The following ZNF730 variants were observed in gnomAD, a reference collection of about 807,000 sequenced individuals.
ZNF730 encodes the protein putative zinc finger protein 730.
A neutral mutation model predicts 12.6 loss-of-function variants in ZNF730; 12 were observed. The observed-to-expected ratio is 0.95, with a 90% CI of 0.61 to 1.54. The LOEUF (loss-of-function observed/expected upper bound fraction) is 1.54, where lower values mean the gene tolerates loss of function less well. Among genes scored for constraint, ZNF730 ranks in the 40% most tolerant of loss-of-function variants. The pLI, the probability that ZNF730 is intolerant of heterozygous loss-of-function variation, is 0.00. For missense variants in ZNF730, 643 were observed against 583.5 expected (o/e 1.10, Z -1.05); for synonymous variants, 194 against 195.8 (o/e 0.99, Z 0.08).
Position 23,135,997 on chromosome 19 carries a change from A to G in ZNF730, c.180A>G (p.Lys60=), listed in dbSNP as rs1230557309. The G allele has an allele frequency of 1.2e-6, 2 of 1,608,732 alleles. No homozygotes were observed. The highest frequency in any genetic ancestry group is 1.7e-6 in the Non-Finnish European group (2 of 1,177,398). ...TGATCACCTGTCTGGAGCAAGAAAA[A>G]GAGCCTTGGAATTTGAAGACACATG... ...PDLITCLEQE[K]EPWNLKTHDM... is the part of the protein sequence containing the mutation. Residue 60 remains lysine, a synonymous_variant, in exon 3 of 4, where the codon AAA becomes AAG. Coordinates refer to ENST00000597761, the MANE Select transcript of ZNF730 (RefSeq NM_001277403.2).
rs181628978 is a variant in ZNF730 at position 23,119,795 on chromosome 19, G to T, written c.3+2619G>T. ...TCGCGCCACTGCACTCCAGCCTGGC[G>T]ACAGAATGAGACTCCGTCTCAAAAA... On this transcript the variant is annotated intron_variant, in intron 1 of 3. Coordinates refer to ENST00000597761, the MANE Select transcript of ZNF730 (RefSeq NM_001277403.2). 3.3e-5 allele frequency among the ~76,000 whole-genome samples: 5 copies of T among 152,200 alleles called. No homozygotes were observed. The South Asian group carries it at 1.0e-3, about 32-fold the overall frequency.
chr19:23,128,302 A>G (rs1190912913), intron 1 of ZNF730: 1 of 647,126 alleles, frequency 1.5e-6, no homozygotes, highest in East Asian at 3.0e-5. Flanking sequence ...GCACTACTTA[A>G]TGAAGGATGA....
intron 1 of ZNF730, among the ~76,000 whole-genome samples, chr19:23,133,842 C>G (rs1288565983): frequency 3.3e-5 from 5 of 151,550 alleles, no homozygotes; most frequent in Non-Finnish European, 2.9e-5. Flanking sequence ...CTTACTTCAT[C>G]ATCTGGAAAA....
At chr19:23,120,349 G>C (rs1266431599) in intron 1 of ZNF730, among the ~76,000 whole-genome samples, 1 of 151,982 alleles carries the variant, frequency 6.6e-6, no homozygotes, top group Non-Finnish European at 1.5e-5. Context: ...CAATTTTGGA[G>C]CTTGTTATTG....
chr19:23,105,060 A>G (rs1970376871), intron 1 of ZNF730, among the ~76,000 whole-genome samples: 1 of 152,088 alleles, frequency 6.6e-6, no homozygotes, highest in South Asian at 2.1e-4. Flanking sequence ...AATCAGGGCG[A>G]GTATAGGACT....
chr19:23,076,140 TG>T (rs1421328471), intron 1 of ZNF730, among the ~76,000 whole-genome samples: 16 of 152,312 alleles, frequency 1.1e-4, no homozygotes, highest in African/African-American at 3.8e-4. Context: ...TTCTCAAATG[TG>T]GGATATGAGA....
intron 1 of ZNF730, chr19:23,125,834 G>C (rs1316083353): frequency 2.9e-5 from 5 of 172,214 alleles, no homozygotes; most frequent in Non-Finnish European, 5.0e-5. Flanking sequence ...TTGTTAGTTG[G>C]GTTTTTTAAA....
chr19:23,096,780 C>T (rs561476600), intron 1 of ZNF730, among the ~76,000 whole-genome samples: 1 of 152,276 alleles, frequency 6.6e-6, no homozygotes, highest in South Asian at 2.1e-4. Flanking sequence ...TTTGGCCAAG[C>T]AGGGCTGTGA....
At chr19:23,094,725 C>T (rs1056068777) in intron 1 of ZNF730, among the ~76,000 whole-genome samples, 2 of 152,126 alleles carry the variant, frequency 1.3e-5, no homozygotes, top group African/African-American at 2.4e-5. Flanking sequence ...CCACCCACCT[C>T]GGCCTCCCAG....
At chr19:23,111,756 A>G (rs909423787) in intron 1 of ZNF730, among the ~76,000 whole-genome samples, 1 of 151,744 alleles carries the variant, frequency 6.6e-6, no homozygotes, top group African/African-American at 2.4e-5. Context: ...TCAAAAAAAA[A>G]AAAAGATAGA....
In ZNF730 at chr19:23,146,840, A is replaced by G; in HGVS notation, c.*284A>G. 2.5e-6 allele frequency: 2 copies of G among 795,464 alleles called. No individual in the cohort carries two copies. Among genetic ancestry groups the G allele is most frequent in the Non-Finnish European group, 4.3e-6 (2 of 460,646 alleles). 49.3% of individuals were successfully genotyped at this position (795,464 alleles called of 1,614,324 possible). On this transcript the variant is annotated 3_prime_UTR_variant, in exon 4 of 4. Transcript: ENST00000597761. ...AAGAATGTGACAAAGCCTTTAACAA[A>G]TCCTTAATTCTTAACAGACATGATT... is the stretch of plus-strand genomic sequence containing the variant.
intron 1 of ZNF730, among the ~76,000 whole-genome samples, chr19:23,099,654 C>T (rs1403462193): frequency 2.6e-5 from 4 of 152,176 alleles, no homozygotes; most frequent in African/African-American, 7.2e-5. Flanking sequence ...CTCTCATACA[C>T]AAATCCATTC....
At chr19:23,143,234 G>A (rs1338259259) in intron 3 of ZNF730, among the ~76,000 whole-genome samples, 2 of 151,710 alleles carry the variant, frequency 1.3e-5, no homozygotes, top group African/African-American at 4.8e-5. Context: ...GACAGAGCGA[G>A]ACTCCGTCTC....
At chr19:23,091,362 C>G (rs1047683731) in intron 1 of ZNF730, among the ~76,000 whole-genome samples, 2 of 152,176 alleles carry the variant, frequency 1.3e-5, no homozygotes, top group African/African-American at 2.4e-5. Context: ...GGGGTCAGAG[C>G]CCCCACACAG....
chr19:23,134,124 G>A lies in ZNF730; in HGVS notation c.48G>A (p.Glu16=), dbSNP rs1183013524. 3 of 1,613,466 alleles carry A rather than the reference G, an allele frequency of 1.9e-6. No individual in the cohort carries two copies. The highest frequency in any genetic ancestry group is 2.2e-5 in the South Asian group (2 of 91,048). ...ATGTGGCCATAGAATTCTCTCTGGA[G>A]GAGTGGCAATGTCTGGACACCGAAC... The part of the protein sequence containing the change: ...FRDVAIEFSL[E]EWQCLDTEQQ... Residue 16 remains glutamate, a synonymous_variant, in exon 2 of 4, where the codon GAG becomes GAA. Coordinates refer to ENST00000597761, the MANE Select transcript of ZNF730 (RefSeq NM_001277403.2).
chr19:23,129,001 T>C (rs1026736127), intron 1 of ZNF730, among the ~76,000 whole-genome samples: 2 of 152,140 alleles, frequency 1.3e-5, no homozygotes, highest in African/African-American at 4.8e-5. Flanking sequence ...GCCCCAAGCC[T>C]TGGCAGCTTC....
chr19:23,116,553 C>T (rs1204012083), upstream of ZNF730, among the ~76,000 whole-genome samples: 6 of 147,292 alleles, frequency 4.1e-5, no homozygotes, highest in East Asian at 1.0e-3. Context: ...ATTACAGGCG[C>T]GCGCCACTAC....
chr19:23,085,493 C>A (rs111877414), intron 1 of ZNF730, among the ~76,000 whole-genome samples: 1 of 131,984 alleles, frequency 7.6e-6, no homozygotes, highest in East Asian at 2.2e-4. Flanking sequence ...CCACCATGCC[C>A]GTCTTTTTTT....
At chr19:23,087,819 G>C (rs1970090227) in intron 1 of ZNF730, among the ~76,000 whole-genome samples, 1 of 151,146 alleles carries the variant, frequency 6.6e-6, no homozygotes, top group South Asian at 2.1e-4. Context: ...TCTTCATCTT[G>C]GTCAGGCTGG....
Sources: allele counts gnomAD v4.1 joint callset (sites outside exome capture counted in the v4.1 genomes callset), GRCh38; gene constraint gnomAD v4.1.1; transcripts MANE v1.5; gene names NCBI Gene and HGNC (gene_info 2026-07-23, HGNC 2026-07-21).